TRAPPC10: variants seen among roughly 807,000 people sequenced by gnomAD.
The protein encoded by TRAPPC10 is TRAPP 130 kDa subunit.
A neutral mutation model predicts 125.5 loss-of-function variants in TRAPPC10; 23 were observed. The ratio of observed to expected loss-of-function variants is 0.18; its 90% CI spans 0.13 to 0.26. The LOEUF is 0.26. Among genes scored for constraint, TRAPPC10 ranks in the 10% least tolerant of loss-of-function variants. The pLI is 1.00. For synonymous variants in TRAPPC10, 509 were observed against 518.0 expected, an observed-to-expected ratio of 0.98 and a Z score of 0.24; for missense variants, 1,123 against 1,308.4, an observed-to-expected ratio of 0.86 and a Z score of 2.19.
chr21:44,073,840 G>C (rs2037065511), intron 7 of TRAPPC10, among the ~76,000 whole-genome samples: 1 of 152,140 alleles, frequency 6.6e-6, no homozygotes, highest in East Asian at 1.9e-4. Flanking sequence ...AGTTTCTGCT[G>C]TTGAACGTGA....
At chr21:44,039,040 C>T (rs2034207834) in intron 3 of TRAPPC10, among the ~76,000 whole-genome samples, 1 of 152,236 alleles carries the variant, frequency 6.6e-6, no homozygotes, top group Non-Finnish European at 1.5e-5. Flanking sequence ...CTCCCCATAA[C>T]ACCTGGTTGT....
At position 44,059,536 on chromosome 21, in the gene TRAPPC10, AG is replaced by A. The variant is rs1267379716; in HGVS notation, c.790+323del. On this transcript the variant is annotated intron_variant, in intron 6 of 22. Coordinates refer to ENST00000291574, the MANE Select transcript of TRAPPC10 (RefSeq NM_003274.5). This position sits in a 1 kb window ranked among gnomAD's most constrained non-coding sequence, Gnocchi z 4.4. Reference sequence around the variant, plus strand: ...CGATTCTGTCCCTCGTTAGAATCAGAGTGGACGTCCCTTTGCCTTCCATCCA... The same window carrying A: ...CGATTCTGTCCCTCGTTAGAATCAGATGGACGTCCCTTTGCCTTCCATCCA... 8.1e-6 allele frequency: 6 copies of A among 738,896 alleles called. No individual in the cohort carries two copies. The highest frequency in any genetic ancestry group is 3.8e-5 in the Admixed American group (2 of 53,224). The allele number at this position is 738,896 out of a possible 1,614,324, so 45.8% of individuals were successfully genotyped here. A position where few individuals can be genotyped will look rare whatever the true frequency, so the allele number is the denominator to read the frequency against.
intron 1 of TRAPPC10, among the ~76,000 whole-genome samples, chr21:44,014,725 G>T (rs1445787265): frequency 3.9e-5 from 6 of 151,910 alleles, no homozygotes; most frequent in Non-Finnish European, 8.8e-5. Context: ...CCCACCCTTG[G>T]CCTCAAGCAA....
intron 7 of TRAPPC10, among the ~76,000 whole-genome samples, chr21:44,066,849 G>T (rs1407327520): frequency 6.6e-6 from 1 of 152,148 alleles, no homozygotes; most frequent in Non-Finnish European, 1.5e-5. Flanking sequence ...TTGTTAATTT[G>T]TCCTCCAGAA....
chr21:44,063,421 T>C lies in TRAPPC10; in HGVS notation c.791-117T>C. ...CTAGACCACAGGGGGTGGGCCAGTG[T>C]TCATAGAAAAACTGGTTATGAAGCT... is the stretch of plus-strand genomic sequence containing the variant. On this transcript the variant is annotated intron_variant, in intron 6 of 22. Coordinates refer to ENST00000291574, the MANE Select transcript of TRAPPC10 (RefSeq NM_003274.5). The surrounding 1 kb of genome is among the most constrained non-coding windows in gnomAD (Gnocchi z 4.4). The C allele has an allele frequency of 6.9e-7, 1 of 1,448,688 alleles. No homozygotes were observed. The highest frequency in any genetic ancestry group is 9.3e-7 in the Non-Finnish European group (1 of 1,069,878). The allele number at this position is 1,448,688 out of a possible 1,614,324, so 89.7% of individuals were successfully genotyped here. A position where few individuals can be genotyped will look rare whatever the true frequency, so the allele number is the denominator to read the frequency against.
At chr21:44,024,271 C>T (rs948518213) in intron 1 of TRAPPC10, among the ~76,000 whole-genome samples, 3 of 152,182 alleles carry the variant, frequency 2.0e-5, no homozygotes, top group African/African-American at 7.2e-5. Flanking sequence ...TTCCCCAGCT[C>T]ATGCTGCTTC....
rs138165930 is a variant in TRAPPC10, at chr21:44,075,891, A to G, written c.1301-661A>G. On this transcript the variant is annotated intron_variant, in intron 9 of 22. Transcript: ENST00000291574. ...ATGGAGAAACCCCATCTCTACTAAA[A>G]ATACAAAATTAGCCGGGTGTGGTGG... Among the ~76,000 whole-genome samples, 682 of 152,292 alleles carry G rather than the reference A, an allele frequency of 4.5e-3. 8 individuals carry two copies. The highest frequency in any genetic ancestry group is 0.016 in the African/African-American group (652 of 41,564).
chr21:44,039,773 G>A lies in TRAPPC10; in HGVS notation c.285+1846G>A, dbSNP rs930821180. Among the ~76,000 whole-genome samples the A allele has an allele frequency of 2.6e-5, 4 of 152,326 alleles. No individual in the cohort carries two copies. The South Asian group carries it at 8.3e-4, about 32-fold the overall frequency. On this transcript the variant is annotated intron_variant, in intron 3 of 22. Coordinates refer to ENST00000291574, the MANE Select transcript of TRAPPC10 (RefSeq NM_003274.5). ...CCAGCTACTCGGTAGGCTGAGGCAG[G>A]AGAATTGCTTGAACCTGGGAGTGGA...
intron 3 of TRAPPC10, among the ~76,000 whole-genome samples, chr21:44,050,227 GC>G (rs1209112345): frequency 1.4e-5 from 2 of 147,112 alleles, no homozygotes; most frequent in African/African-American, 4.9e-5. Flanking sequence ...CAACCGGTTT[GC>G]CCCAGGATTA....
At position 44,086,476 on chromosome 21, in the gene TRAPPC10, A is replaced by G. The variant is rs62227190; in HGVS notation, c.2381-326A>G. On this transcript the variant is annotated intron_variant, in intron 15 of 22. Coordinates refer to ENST00000291574, the MANE Select transcript of TRAPPC10 (RefSeq NM_003274.5). ...AAGCCTCATTATGTGATTCTCTTCTACTACTAATGGGCAGGCAAATTTTGT... is the reference window on the plus strand; with the variant it reads ...AAGCCTCATTATGTGATTCTCTTCTGCTACTAATGGGCAGGCAAATTTTGT... 4.8e-3 allele frequency among the ~76,000 whole-genome samples: 732 copies of G among 152,326 alleles called. 3 individuals carry two copies. Among genetic ancestry groups the G allele is most frequent in the Non-Finnish European group, 7.5e-3 (510 of 68,026 alleles).
intron 1 of TRAPPC10, among the ~76,000 whole-genome samples, chr21:44,012,930 C>T (rs2031324915): frequency 6.6e-6 from 1 of 152,136 alleles, no homozygotes; most frequent in Non-Finnish European, 1.5e-5. Flanking sequence ...GCCCCGGCCT[C>T]TTCCGCCGGG....
At chr21:44,028,537 GAC>G (rs1259114661) in intron 1 of TRAPPC10, among the ~76,000 whole-genome samples, 3 of 152,176 alleles carry the variant, frequency 2.0e-5, no homozygotes, top group Non-Finnish European at 4.4e-5. Flanking sequence ...CCAGCTTCCT[GAC>G]CTGCCGCACC....
intron 18 of TRAPPC10, among the ~76,000 whole-genome samples, chr21:44,090,333 A>G (rs1478102170): frequency 2.0e-5 from 3 of 152,134 alleles, no homozygotes; most frequent in African/African-American, 4.8e-5. Flanking sequence ...TTTCTTGTCA[A>G]TTGCCTGCAA....
At chr21:44,073,622 C>A (rs922366289) in intron 7 of TRAPPC10, among the ~76,000 whole-genome samples, 3 of 152,070 alleles carry the variant, frequency 2.0e-5, no homozygotes, top group Non-Finnish European at 4.4e-5. Flanking sequence ...TTACAGTAGG[C>A]GCGGTACCTG....
intron 8 of TRAPPC10, 28 bp downstream of exon 8, chr21:44,074,498 T>C: frequency 6.2e-7 from 1 of 1,613,498 alleles, no homozygotes; most frequent in Non-Finnish European, 8.5e-7. Context: ...TGTGGAATGC[T>C]CACGTTGTCT....
At chr21:44,039,174 C>T (rs1264938483) in intron 3 of TRAPPC10, among the ~76,000 whole-genome samples, 1 of 152,184 alleles carries the variant, frequency 6.6e-6, no homozygotes, top group Non-Finnish European at 1.5e-5. Flanking sequence ...GTGTCCTGCC[C>T]CTCACCCAGT....
At chr21:44,085,136 C>T (rs1296561263) in intron 15 of TRAPPC10, among the ~76,000 whole-genome samples, 1 of 152,124 alleles carries the variant, frequency 6.6e-6, no homozygotes, top group Non-Finnish European at 1.5e-5. Flanking sequence ...GCTGAAAGGC[C>T]CGACCCTCTA....
chr21:44,093,445 C>T (rs1233410714), intron 19 of TRAPPC10, among the ~76,000 whole-genome samples: 1 of 148,980 alleles, frequency 6.7e-6, no homozygotes, highest in Non-Finnish European at 1.5e-5. Flanking sequence ...CAGAGTGAGA[C>T]CCTGTCTCTA....
Position 44,087,189 on chromosome 21 carries a change from T to C in TRAPPC10, c.2539+229T>C, listed in dbSNP as rs746085707. The stretch of plus-strand genomic sequence containing the variant: ...AGTGGCCGAGCAGTGCTTGTCTGGC[T>C]GAGGATTAGGAGATGGGGGTCACGG... On this transcript the variant is annotated intron_variant, in intron 16 of 22. Coordinates refer to ENST00000291574, the MANE Select transcript of TRAPPC10 (RefSeq NM_003274.5). This position sits in a 1 kb window ranked among gnomAD's most constrained non-coding sequence, Gnocchi z 4.6. Among the ~76,000 whole-genome samples, 1 of 152,226 alleles carries C rather than the reference T, an allele frequency of 6.6e-6. No homozygotes were observed. The highest frequency in any genetic ancestry group is 1.5e-5 in the Non-Finnish European group (1 of 68,036).
Sources: allele counts gnomAD v4.1 joint callset (sites outside exome capture counted in the v4.1 genomes callset), GRCh38; gene constraint gnomAD v4.1.1; non-coding constraint Gnocchi (gnomAD v3.1); transcripts MANE v1.5; gene names NCBI Gene and HGNC (gene_info 2026-07-23, HGNC 2026-07-21).